Variants in PTPRH observed in about 807,000 individuals in gnomAD.
PTPRH encodes the protein protein tyrosine phosphatase receptor type H, also known as receptor-type tyrosine-protein phosphatase H.
A neutral mutation model predicts 130.2 loss-of-function variants in PTPRH; 113 were observed. That is an observed-to-expected ratio of 0.87 (90% CI 0.75 to 1.01). PTPRH has a LOEUF of 1.01. Among genes scored for constraint, PTPRH ranks in the 50% least tolerant of loss-of-function variants. The pLI is 0.00. For synonymous variants in PTPRH, 556 were observed against 577.9 expected (o/e 0.96, Z 0.54); for missense variants, 1,430 against 1,425.0 (o/e 1.00, Z -0.06).
Position 55,205,408 on chromosome 19 carries a change from T to C in PTPRH, c.537A>G (p.Glu179=), listed in dbSNP as rs2087014765. ...AHTNITVDGL[E]PGCLYAFSMW... is the part of the protein sequence containing the mutation. ...TGGAAAACGCATACAAACACCCGGG[T>C]TCAAGTCCATCCACGGTGATGTTAG... Residue 179 remains glutamate (E), a synonymous_variant, in exon 4 of 20, where the codon GAA becomes GAG. Transcript: ENST00000376350. 1 of 1,613,962 alleles carries C rather than the reference T, an allele frequency of 6.2e-7. No homozygotes were observed. Among genetic ancestry groups the C allele is most frequent in the African/African-American group, 1.3e-5 (1 of 74,876 alleles).
intron 5 of PTPRH, among the ~76,000 whole-genome samples, chr19:55,202,677 T>A (rs890146193): frequency 2.0e-4 from 30 of 152,242 alleles, no homozygotes; most frequent in Admixed American, 1.6e-3. Context: ...ATATATATTT[T>A]GTGGGTATAT....
chr19:55,185,635 GCA>G lies in PTPRH; in HGVS notation c.2927_2928del (p.Val976AlafsTer90). 1.2e-6 allele frequency: 2 copies of G among 1,614,124 alleles called. No homozygotes were observed. The highest frequency in any genetic ancestry group is 8.5e-7 in the Non-Finnish European group (1 of 1,179,992). ...LQVEEQKTLS[V>X]RQFHYQAWPD... ...GGCCAGGCCTGGTAGTGGAATTGGC[GCA>G]CAGACAGTGTCTTCTGCTCCTCCAC... is the stretch of plus-strand genomic sequence containing the variant. On this transcript the variant is annotated frameshift_variant, in exon 18 of 20. Coordinates refer to ENST00000376350, the MANE Select transcript of PTPRH (RefSeq NM_002842.5).
At position 55,206,692 on chromosome 19, in the gene PTPRH, T is replaced by G; in HGVS notation, c.349A>C (p.Thr117Pro). 6.3e-7 allele frequency: 1 copy of G among 1,594,946 alleles called. No homozygotes were observed. Among genetic ancestry groups the G allele is most frequent in the Non-Finnish European group, 8.6e-7 (1 of 1,165,628 alleles). Residue 117 changes from threonine to proline, a missense_variant, in exon 3 of 20, where the codon ACA becomes CCA. Physicochemically the swap from Thr to Pro is conservative, Grantham distance 38. Transcript: ENST00000376350. ...TAAAGCAGTGGCTGCCTCTTACCTG[T>G]GGCAGTAGTGACAGTCCCCACAGAG... ...NSSVGTVTTA[T>P]APNPVRNLRV... is the part of the protein sequence containing the mutation.
At position 55,181,712 on chromosome 19, in the gene PTPRH, A is replaced by C; in HGVS notation, c.*42T>G. 6.2e-7 allele frequency: 1 copy of C among 1,612,238 alleles called. No homozygotes were observed. Among genetic ancestry groups the C allele is most frequent in the Non-Finnish European group, 8.5e-7 (1 of 1,178,980 alleles). ...AATCTGGGCTCAAGTGGGTGTCCAG[A>C]GCTTGAGGATGCCTGGGCTGCCGAC... On this transcript the variant is annotated 3_prime_UTR_variant, in exon 20 of 20. Coordinates refer to ENST00000376350, the MANE Select transcript of PTPRH (RefSeq NM_002842.5).
rs8108946 is a variant in PTPRH at position 55,181,433 on chromosome 19, C to G, written c.*321G>C. ...TTTGGTCCTCAAGTAGCCAGAACTC[C>G]AGACCCAAATTCCTTCCTGCCTCAG... On this transcript the variant is annotated 3_prime_UTR_variant, in exon 20 of 20. Transcript: ENST00000376350. The G allele has an allele frequency of 1.1e-3, 308 of 288,638 alleles. 2 individuals carry two copies. Among genetic ancestry groups the G allele is most frequent in the African/African-American group, 6.1e-3 (288 of 47,014 alleles). The allele number at this position is 288,638 out of a possible 1,614,324, so 17.9% of individuals were successfully genotyped here.
intron 15 of PTPRH, 51 bp downstream of exon 15, chr19:55,186,413 T>C (rs1568892583): frequency 6.2e-7 from 1 of 1,613,162 alleles, no homozygotes; most frequent in Non-Finnish European, 8.5e-7. Flanking sequence ...CCCCGAGCTC[T>C]TATCTCTCCA....
In PTPRH at chr19:55,191,760, G is replaced by A. The variant is rs377084619; in HGVS notation, c.2258-19C>T. 9.4e-6 allele frequency: 15 copies of A among 1,603,360 alleles called. No homozygotes were observed. Among genetic ancestry groups the A allele is most frequent in the East Asian group, 2.2e-5 (1 of 44,838 alleles). ...ATGACCCCTGTGGGGAGGAGGCATCGGGAACCCTCAGAGCGCAGGTCTGAG... is the reference window on the plus strand; with the variant it reads ...ATGACCCCTGTGGGGAGGAGGCATCAGGAACCCTCAGAGCGCAGGTCTGAG... On this transcript the variant is annotated intron_variant, in intron 10 of 19. Transcript: ENST00000376350.
At chr19:55,206,613 A>C in intron 3 of PTPRH, 76 bp downstream of exon 3, 1 of 1,387,394 alleles carries the variant, frequency 7.2e-7, no homozygotes, top group East Asian at 2.4e-5. Context: ...AACCTGTCGC[A>C]TTTTGTCAGC....
chr19:55,186,390 G>A, intron 15 of PTPRH, 31 bp from the exon 16 acceptor site: 3 of 1,611,956 alleles, frequency 1.9e-6, no homozygotes, highest in Non-Finnish European at 2.5e-6. Context: ...GGTCAGGGGG[G>A]CCTTTAGTTG....
At position 55,198,651 on chromosome 19, in the gene PTPRH, G is replaced by A. The variant is rs1028422816; in HGVS notation, c.1682C>T (p.Ala561Val). Residue 561 changes from alanine to valine, a missense_variant, in exon 8 of 20, where the codon GCA (alanine) becomes GTA (valine). Coordinates refer to ENST00000376350, the MANE Select transcript of PTPRH (RefSeq NM_002842.5). ...EVRGYNSTLT[A>V]ATAPNEVTDL... ...AACCGACTGTGTCTCACCAGTGGCT[G>A]CAGTGAGGGTGCTGTTATAGCCTCT... 1.2e-6 allele frequency: 2 copies of A among 1,603,976 alleles called. No homozygotes were observed. The highest frequency in any genetic ancestry group is 1.7e-6 in the Non-Finnish European group (2 of 1,173,850).
intron 8 of PTPRH, 131 bp downstream of exon 8, chr19:55,198,512 T>C: frequency 2.0e-6 from 2 of 1,022,152 alleles, no homozygotes; most frequent in Non-Finnish European, 2.7e-6. Flanking sequence ...GACCTACAGG[T>C]TTAAGCTCCG....
At chr19:55,204,777 G>A (rs993479639) in intron 4 of PTPRH, among the ~76,000 whole-genome samples, 1 of 152,198 alleles carries the variant, frequency 6.6e-6, no homozygotes, top group African/African-American at 2.4e-5. Context: ...AACAGAGAAG[G>A]AAATGGAAGC....
In PTPRH at chr19:55,187,519, G is replaced by A; in HGVS notation, c.2560C>T (p.Leu854=). 6.2e-7 allele frequency: 1 copy of A among 1,611,906 alleles called. No individual in the cohort carries two copies. Among genetic ancestry groups the A allele is most frequent in the Non-Finnish European group, 8.5e-7 (1 of 1,178,338 alleles). ...GCAGGAACCCGAGACTCACAGGGCA[G>A]CACATTTCTGTAGCGGTTCTTGGCG... ...NNAKNRYRNV[L]PYDWSRVPLK... The change falls in exon 14 of 20, where the codon CTG becomes TTG. Residue 854 remains leucine (L), a synonymous_variant. Coordinates refer to ENST00000376350, the MANE Select transcript of PTPRH (RefSeq NM_002842.5).
chr19:55,189,757 G>T (rs1426677445), intron 12 of PTPRH: 1 of 455,704 alleles, frequency 2.2e-6, no homozygotes, highest in Non-Finnish European at 4.4e-6. Context: ...GAGGTGGAAG[G>T]GCTGCTTGGG....
rs186590159 is a variant in PTPRH, at chr19:55,209,133, C to T, written c.51+250G>A. On this transcript the variant is annotated intron_variant, in intron 1 of 19. Transcript: ENST00000376350. The surrounding 1 kb of genome is among the most constrained non-coding windows in gnomAD (Gnocchi z 4.1). ...CTAAGGGCCCGGGTGAAGCTGGTGT[C>T]CCCCACAACAGACACGACAATGTCT... Among the ~76,000 whole-genome samples, 7 of 152,052 alleles carry T rather than the reference C, an allele frequency of 4.6e-5. No individual in the cohort carries two copies. Among genetic ancestry groups the T allele is most frequent in the Non-Finnish European group, 7.4e-5 (5 of 67,932 alleles).
chr19:55,191,685 G>A lies in PTPRH; in HGVS notation c.2314C>T (p.Leu772=), dbSNP rs765647523. Residue 772 remains leucine, a synonymous_variant, in exon 11 of 20, where the codon CTG becomes TTG. Transcript: ENST00000376350. ...ILLFLILVGL[L]IFFLKRRNKK... The stretch of plus-strand genomic sequence containing the variant: ...CACCTCCTCTTCAGGAAGAAAATCA[G>A]CAGGCCCACGAGGATGAGAAACAGG... 2 of 1,614,018 alleles carry A rather than the reference G, an allele frequency of 1.2e-6. No homozygotes were observed. The highest frequency in any genetic ancestry group is 1.7e-6 in the Non-Finnish European group (2 of 1,180,020).
intron 10 of PTPRH, among the ~76,000 whole-genome samples, chr19:55,195,603 C>G (rs751748530): frequency 3.9e-5 from 6 of 152,140 alleles, no homozygotes; most frequent in Non-Finnish European, 7.4e-5. Flanking sequence ...AACAGGGTCT[C>G]GTTCCTTCAC....
At chr19:55,201,790 C>A (rs991406265) in intron 6 of PTPRH, among the ~76,000 whole-genome samples, 1 of 152,224 alleles carries the variant, frequency 6.6e-6, no homozygotes, top group South Asian at 2.1e-4. Context: ...CCTACACATT[C>A]CTCTTGGTGC....
rs967745900 is a variant in PTPRH at position 55,200,403 on chromosome 19, G to A, written c.1253C>T (p.Thr418Ile). The change falls in exon 7 of 20, where the codon ACC (threonine) becomes ATC (isoleucine). Residue 418 changes from threonine (T) to isoleucine (I), a missense_variant. Physicochemically the swap from Thr to Ile is moderately conservative, Grantham distance 89. Coordinates refer to ENST00000376350, the MANE Select transcript of PTPRH (RefSeq NM_002842.5). Reference protein sequence around the residue: ...VPDGPYPQDYTYWVEYTGDGG... With the variant: ...VPDGPYPQDYIYWVEYTGDGG... ...GTCTCCAGTGTACTCTACCCAGTAG[G>A]TGTAGTCCTGAGGGTATGGGCCATC... 1 of 1,614,206 alleles carries A rather than the reference G, an allele frequency of 6.2e-7. No individual in the cohort carries two copies. Among genetic ancestry groups the A allele is most frequent in the Non-Finnish European group, 8.5e-7 (1 of 1,180,036 alleles).
Sources: gnomAD v4.1 joint callset for allele counts (sites outside exome capture counted in the v4.1 genomes callset) on GRCh38, gnomAD v4.1.1 for gene constraint, Gnocchi (gnomAD v3.1) non-coding constraint, MANE v1.5 for transcripts, NCBI Gene and HGNC (gene_info 2026-07-23, HGNC 2026-07-21) for gene names.